PTAFR: variants seen among roughly 807,000 people sequenced by gnomAD.
PTAFR encodes platelet-activating factor receptor.
Under a neutral mutation model 14.7 loss-of-function variants are expected in PTAFR, and 8 were observed. The observed-to-expected ratio is 0.54, with a 90% CI of 0.32 to 0.98. PTAFR has a LOEUF of 0.98. PTAFR is among the 50% of genes least tolerant of loss of function. PTAFR has a pLI of 0.04. For synonymous variants in PTAFR, 156 were observed against 176.5 expected (o/e 0.88, Z 0.92); for missense variants, 337 against 451.2 (o/e 0.75, Z 2.29).
At chr1:28,173,422 A>G (rs1159810120) in intron 1 of PTAFR, among the ~76,000 whole-genome samples, 6 of 152,082 alleles carry the variant, frequency 3.9e-5, no homozygotes, top group Non-Finnish European at 7.4e-5. Flanking sequence ...CCTGGGCATC[A>G]TGTCAAACCC....
chr1:28,149,584 G>A lies in PTAFR; in HGVS notation c.*409C>T, dbSNP rs540836610. 1.7e-5 allele frequency: 3 copies of A among 177,750 alleles called. No individual in the cohort carries two copies. The highest frequency in any genetic ancestry group is 2.4e-5 in the Non-Finnish European group (2 of 82,618). The allele number at this position is 177,750 out of a possible 1,614,324, so 11.0% of individuals were successfully genotyped here. On this transcript the variant is annotated 3_prime_UTR_variant, in exon 2 of 2. Transcript: ENST00000373857. ...TCTTGACCCATGATCTGCCCACCTC[G>A]GCCTCCCAAAGTGCTGGGATTACAG...
chr1:28,186,932 C>T (rs1157639301), intron 1 of PTAFR, among the ~76,000 whole-genome samples: 4 of 152,038 alleles, frequency 2.6e-5, no homozygotes, highest in Non-Finnish European at 5.9e-5. Context: ...GTCAATCAAT[C>T]AATCAATCAA....
At chr1:28,164,490 C>T (rs1487454190) in intron 1 of PTAFR, among the ~76,000 whole-genome samples, 1 of 152,068 alleles carries the variant, frequency 6.6e-6, no homozygotes, top group Non-Finnish European at 1.5e-5. Flanking sequence ...GGCTGGAGCC[C>T]CCCTAATTTC....
rs760341493 is a variant in PTAFR, at chr1:28,150,748, C to T, written c.274G>A (p.Val92Met). The change falls in exon 2 of 2, where the codon GTG becomes ATG. Residue 92 changes from valine (V) to methionine (M), a missense_variant. Physicochemically the swap from Val to Met is conservative, Grantham distance 21. Transcript: ENST00000373857. The surrounding 1 kb of genome is among the most constrained non-coding windows in gnomAD (Gnocchi z 6.3). ...TTGATGAAGAAAAGGCAGCCAGCCA[C>T]GTTGCACAGGAATTTGGGGAGTATC... ...NWILPKFLCN[V>M]AGCLFFINTY... The T allele has an allele frequency of 9.3e-6, 15 of 1,614,142 alleles. No individual in the cohort carries two copies. Among genetic ancestry groups the T allele is most frequent in the Non-Finnish European group, 1.1e-5 (13 of 1,180,038 alleles).
chr1:28,157,533 C>T (rs193121914), intron 1 of PTAFR, among the ~76,000 whole-genome samples: 1 of 152,068 alleles, frequency 6.6e-6, no homozygotes, highest in East Asian at 1.9e-4. Flanking sequence ...TTCCTCTTGC[C>T]TCAATCTCTA....
At chr1:28,156,638 A>G (rs899391727) in intron 1 of PTAFR, among the ~76,000 whole-genome samples, 2 of 152,224 alleles carry the variant, frequency 1.3e-5, no homozygotes, top group African/African-American at 4.8e-5. Context: ...GAGATAACTT[A>G]TGTAAACAAA....
At chr1:28,164,677 T>C (rs1322926614) in intron 1 of PTAFR, among the ~76,000 whole-genome samples, 3 of 152,130 alleles carry the variant, frequency 2.0e-5, no homozygotes, top group African/African-American at 7.2e-5. Flanking sequence ...GTGGCAGACT[T>C]GGGATTTTGA....
At chr1:28,156,261 CAA>C (rs951128837) in intron 1 of PTAFR, among the ~76,000 whole-genome samples, 7 of 129,138 alleles carry the variant, frequency 5.4e-5, no homozygotes. Context: ...AACAAAACTC[CAA>C]AAAAAAAAAA....
upstream of PTAFR, among the ~76,000 whole-genome samples, chr1:28,181,627 A>T (rs935886831): frequency 1.3e-5 from 2 of 152,070 alleles, no homozygotes; most frequent in Non-Finnish European, 2.9e-5. Flanking sequence ...CTGTAATCTC[A>T]GCTACTCGGG....
At position 28,192,644 on chromosome 1, in the gene PTAFR, T is replaced by G. The variant is rs141491646; in HGVS notation, c.-39+1078A>C. On this transcript the variant is annotated intron_variant, in intron 1 of 1. Transcript: ENST00000305392. ...GCATGTGGTAAATGCTGGGTTTTTTTTTTGTTTGTTTGTTTGTTTTTAAGA... is the reference window on the plus strand; with the variant it reads ...GCATGTGGTAAATGCTGGGTTTTTTGTTTGTTTGTTTGTTTGTTTTTAAGA... Among the ~76,000 whole-genome samples the G allele has an allele frequency of 7.3e-3, 1,112 of 151,768 alleles. 3 individuals are homozygous for G. Among genetic ancestry groups the G allele is most frequent in the Non-Finnish European group, 0.013 (850 of 67,888 alleles).
chr1:28,172,272 T>C (rs1369814907), intron 1 of PTAFR, among the ~76,000 whole-genome samples: 1 of 152,088 alleles, frequency 6.6e-6, no homozygotes, highest in East Asian at 1.9e-4. Flanking sequence ...CACCTCAACA[T>C]CCCAAAGTGC....
chr1:28,187,559 G>A (rs1646617162), intron 1 of PTAFR, among the ~76,000 whole-genome samples: 1 of 152,124 alleles, frequency 6.6e-6, no homozygotes, highest in East Asian at 1.9e-4. Flanking sequence ...AAGCTGGAGT[G>A]AAGTGGTGCA....
intron 1 of PTAFR, among the ~76,000 whole-genome samples, chr1:28,158,349 G>A (rs1316612656): frequency 6.6e-6 from 1 of 152,126 alleles, no homozygotes; most frequent in African/African-American, 2.4e-5. Context: ...CTAAAGGAAC[G>A]TGAGACATTT....
Position 28,191,586 on chromosome 1 carries a change from A to AAGAG in PTAFR, c.-39+2132_-39+2135dup, listed in dbSNP as rs35747744. Among the ~76,000 whole-genome samples, 1,183 of 145,554 alleles carry AAGAG rather than the reference A, an allele frequency of 8.1e-3. 17 individuals carry two copies. Among genetic ancestry groups the AAGAG allele is most frequent in the East Asian group, 0.05 (249 of 4,966 alleles). On this transcript the variant is annotated intron_variant, in intron 1 of 1. Transcript: ENST00000305392. ...TCATCTCTACAAAAAGAAAAAAGAAAAGAGAGAGAGAGAGAGAGAGAGAGA... is the reference window on the plus strand; with the variant it reads ...TCATCTCTACAAAAAGAAAAAAGAAAAGAGAGAGAGAGAGAGAGAGAGAGAGAGA...
chr1:28,181,131 A>G (rs555914653), upstream of PTAFR, among the ~76,000 whole-genome samples: 4 of 152,210 alleles, frequency 2.6e-5, no homozygotes, highest in South Asian at 6.2e-4. Flanking sequence ...TACAGGTGTG[A>G]GCACCACGCC....
chr1:28,163,630 A>C (rs1646350149), intron 1 of PTAFR, among the ~76,000 whole-genome samples: 1 of 152,196 alleles, frequency 6.6e-6, no homozygotes, highest in Admixed American at 6.5e-5. Context: ...GCAAAATCTT[A>C]CAATCCTAAC....
In PTAFR at chr1:28,150,874, T is replaced by G. The variant is rs1216112228; in HGVS notation, c.148A>C (p.Asn50His). 1 of 1,614,118 alleles carries G rather than the reference T, an allele frequency of 6.2e-7. No homozygotes were observed. The highest frequency in any genetic ancestry group is 8.5e-7 in the Non-Finnish European group (1 of 1,180,034). ...TTCACCATGAAGATCTTTATCTCAT[T>G]GAATTTCTTGCAAGGGTACAGGCGG... ...FARLYPCKKF[N>H]EIKIFMVNLT... The change falls in exon 2 of 2, where the codon AAT (asparagine) becomes CAT (histidine). Residue 50 changes from asparagine to histidine, a missense_variant. Asn to His is a moderately conservative substitution (Grantham distance 68). Transcript: ENST00000373857. This position sits in a 1 kb window ranked among gnomAD's most constrained non-coding sequence, Gnocchi z 6.3.
At chr1:28,165,034 T>C (rs888570673) in intron 1 of PTAFR, among the ~76,000 whole-genome samples, 3 of 152,158 alleles carry the variant, frequency 2.0e-5, no homozygotes, top group East Asian at 3.8e-4. Flanking sequence ...GATTTTTATA[T>C]GGACTAAGAG....
chr1:28,150,412 A>G lies in PTAFR; in HGVS notation c.610T>C (p.Phe204Leu), dbSNP rs1646168605. The change falls in exon 2 of 2, where the codon TTC (phenylalanine) becomes CTC (leucine). Residue 204 changes from phenylalanine to leucine, a missense_variant. Coordinates refer to ENST00000373857, the MANE Select transcript of PTAFR (RefSeq NM_000952.5). This position sits in a 1 kb window ranked among gnomAD's most constrained non-coding sequence, Gnocchi z 6.3. ...GTACGGATGATGACCAGGTTGCAGAAGAGGATGATGAGGAAGACCAGGAAG... is the reference window on the plus strand; with the variant it reads ...GTACGGATGATGACCAGGTTGCAGAGGAGGATGATGAGGAAGACCAGGAAG... ...SFFLVFLIIL[F>L]CNLVIIRTLL... 1 of 1,614,040 alleles carries G rather than the reference A, an allele frequency of 6.2e-7. No homozygotes were observed. Among genetic ancestry groups the G allele is most frequent in the South Asian group, 1.1e-5 (1 of 91,060 alleles).
Sources: gnomAD v4.1 joint callset for allele counts (sites outside exome capture counted in the v4.1 genomes callset) on GRCh38, gnomAD v4.1.1 for gene constraint, Gnocchi (gnomAD v3.1) non-coding constraint, MANE v1.5 for transcripts, NCBI Gene and HGNC (gene_info 2026-07-23, HGNC 2026-07-21) for gene names.